Variants in BRCC3 observed in about 807,000 individuals in gnomAD.
BRCC3 encodes lys-63-specific deubiquitinase BRCC36.
In BRCC3, 15 loss-of-function variants were observed where a neutral mutation model predicts 28.0. The observed-to-expected ratio is 0.54, with a 90% CI of 0.36 to 0.82. The LOEUF (loss-of-function observed/expected upper bound fraction) is 0.82. Among genes scored for constraint, BRCC3 ranks in the 40% least tolerant of loss-of-function variants. The probability of loss-of-function intolerance (pLI) is 0.01; values close to 1 mark genes in which losing one functional copy is unlikely to be tolerated. For missense variants in BRCC3, 109 were observed against 225.9 expected, an observed-to-expected ratio of 0.48 and a Z score of 3.32; for synonymous variants, 66 against 80.3, an observed-to-expected ratio of 0.82 and a Z score of 0.95.
chrX:155,090,781 T>C lies in BRCC3; in HGVS notation c.493-3T>C, dbSNP rs1557295528. The C allele has an allele frequency of 2.5e-6, 3 of 1,190,440 alleles. No homozygotes were observed. The highest frequency in any genetic ancestry group is 3.4e-6 in the Non-Finnish European group (3 of 879,566). On this transcript the variant is annotated splice_polypyrimidine_tract_variant and splice_region_variant and intron_variant, in intron 6 of 10. Transcript: ENST00000330045. ...TTTCTTTCTTTCTTTTTTCCTTTGA[T>C]AGACTGGCCGGGTACTCTACACTTG...
chrX:155,087,401 G>A (rs1424950174), intron 5 of BRCC3, among the ~76,000 whole-genome samples: 3 of 112,138 alleles, frequency 2.7e-5, no homozygotes, highest in Non-Finnish European at 3.8e-5. Flanking sequence ...CGCTTTGGCA[G>A]GCGCCAGGGT....
intron 5 of BRCC3, among the ~76,000 whole-genome samples, chrX:155,084,577 A>G (rs782249073): frequency 2.7e-5 from 3 of 111,839 alleles, no homozygotes; most frequent in Admixed American, 9.4e-5. Context: ...GTTAGCCAGT[A>G]TGGTCTTGAT....
intron 7 of BRCC3, among the ~76,000 whole-genome samples, chrX:155,094,425 G>A (rs2074196348): frequency 9.1e-6 from 1 of 110,346 alleles, no homozygotes. Context: ...TAAACATTTG[G>A]TGTATACGCA....
chrX:155,105,647 G>C (rs1557297433), intron 7 of BRCC3, among the ~76,000 whole-genome samples: 3 of 111,533 alleles, frequency 2.7e-5, no homozygotes, highest in Non-Finnish European at 5.7e-5. Context: ...TTATCCATAG[G>C]GCTAGTCTCC....
At chrX:155,097,782 G>A (rs1277340674) in intron 7 of BRCC3, among the ~76,000 whole-genome samples, 8 of 111,901 alleles carry the variant, frequency 7.1e-5, no homozygotes, top group Admixed American at 6.6e-4. Context: ...CAAATGAATT[G>A]AAAGCAGGGT....
At chrX:155,104,238 G>C (rs939840235) in intron 7 of BRCC3, among the ~76,000 whole-genome samples, 7 of 111,000 alleles carry the variant, frequency 6.3e-5, no homozygotes, top group African/African-American at 2.3e-4. Flanking sequence ...GATAATTTTT[G>C]ATTGGATGCA....
At chrX:155,080,426 G>C (rs1438145780) in intron 5 of BRCC3, among the ~76,000 whole-genome samples, 1 of 104,310 alleles carries the variant, frequency 9.6e-6, no homozygotes, top group Non-Finnish European at 1.9e-5. Flanking sequence ...TAATGCAGCA[G>C]TAACAGTAGT....
chrX:155,103,665 G>A (rs996501373), intron 7 of BRCC3, among the ~76,000 whole-genome samples: 1 of 111,177 alleles, frequency 9.0e-6, no homozygotes, highest in Non-Finnish European at 1.9e-5. Context: ...TGAGCTGCTT[G>A]GATCTGTGGA....
chrX:155,079,649 C>T (rs2074071135), intron 5 of BRCC3, among the ~76,000 whole-genome samples: 2 of 111,237 alleles, frequency 1.8e-5, no homozygotes, highest in South Asian at 3.8e-4. Flanking sequence ...ACTGTAACAA[C>T]CTCTGGGAGT....
rs190210004 is a variant in BRCC3, at chrX:155,077,069, A to G, written c.196-101A>G. On this transcript the variant is annotated intron_variant, in intron 3 of 10. Transcript: ENST00000330045. Reference sequence around the variant, plus strand: ...AAAAGTGTCAGTTTTCTAAAATGGAATATTTTATCTGATATTATAATAAAA... The same window carrying G: ...AAAAGTGTCAGTTTTCTAAAATGGAGTATTTTATCTGATATTATAATAAAA... 1.2e-4 allele frequency: 93 copies of G among 764,757 alleles called. No homozygotes were observed. In the African/African-American group the frequency reaches 1.8e-3, roughly 15 times the overall value. The allele number at this position is 764,757 out of a possible 1,213,427, so 63.0% of individuals were successfully genotyped here. A position where few individuals can be genotyped will look rare whatever the true frequency, so the allele number is the denominator to read the frequency against.
rs1437759340 is a variant in BRCC3 at position 155,077,025 on chromosome X, A to G, written c.196-145A>G. The G allele has an allele frequency of 1.1e-5, 5 of 471,863 alleles. No homozygotes were observed. The African/African-American group carries it at 1.3e-4, about 12-fold the overall frequency. 38.9% of individuals were successfully genotyped at this position (471,863 alleles called of 1,213,427 possible). A position where few individuals can be genotyped will look rare whatever the true frequency, so the allele number is the denominator to read the frequency against. ...TGAGGTTGGGTGTCTTTTATTTGAA[A>G]CATTTCATTATTCGTGAGAAAAGTG... On this transcript the variant is annotated intron_variant, in intron 3 of 10. Transcript: ENST00000330045.
At chrX:155,120,624 G>A (rs1308595368) in intron 10 of BRCC3, among the ~76,000 whole-genome samples, 1 of 111,166 alleles carries the variant, frequency 9.0e-6, no homozygotes, top group African/African-American at 3.3e-5. Context: ...TGCCCTCACT[G>A]AGAGGGCAGT....
intron 7 of BRCC3, among the ~76,000 whole-genome samples, chrX:155,096,119 A>G (rs1254500628): frequency 8.9e-6 from 1 of 112,443 alleles, no homozygotes; most frequent in Non-Finnish European, 1.9e-5. Context: ...GCATGCTACA[A>G]TCTGAAAGAA....
intron 3 of BRCC3, among the ~76,000 whole-genome samples, chrX:155,075,819 A>G (rs137924435): frequency 4.5e-5 from 5 of 111,191 alleles, no homozygotes; most frequent in African/African-American, 1.6e-4. Flanking sequence ...GTACATTCTC[A>G]CTCCAACTTT....
At chrX:155,086,260 GCA>G (rs1282299305) in intron 5 of BRCC3, among the ~76,000 whole-genome samples, 1 of 111,342 alleles carries the variant, frequency 9.0e-6, no homozygotes, top group African/African-American at 3.3e-5. Context: ...CCGAGAGAAA[GCA>G]CAGTGTCCAG....
At chrX:155,083,120 G>A (rs1557294346) in intron 5 of BRCC3, among the ~76,000 whole-genome samples, 1 of 112,383 alleles carries the variant, frequency 8.9e-6, no homozygotes, top group East Asian at 2.8e-4. Context: ...ACAAATGTGA[G>A]TCAAATGGGA....
chrX:155,088,471 A>G (rs1317400704), intron 5 of BRCC3, among the ~76,000 whole-genome samples: 1 of 106,959 alleles, frequency 9.3e-6, no homozygotes, highest in Non-Finnish European at 1.9e-5. Context: ...CTCCAGCCTC[A>G]GCCTCCCAAG....
chrX:155,097,803 G>A (rs1256229989), intron 7 of BRCC3, among the ~76,000 whole-genome samples: 1 of 111,266 alleles, frequency 9.0e-6, no homozygotes, highest in African/African-American at 3.3e-5. Context: ...CTCTCCATCC[G>A]GGTTAACACG....
intron 7 of BRCC3, among the ~76,000 whole-genome samples, chrX:155,112,483 C>G (rs1425093033): frequency 5.3e-5 from 6 of 112,660 alleles, no homozygotes; most frequent in African/African-American, 1.9e-4. Context: ...CATTTTTGGA[C>G]CGTGGTTGAC....
Sources: allele counts gnomAD v4.1 joint callset (sites outside exome capture counted in the v4.1 genomes callset), GRCh38; gene constraint gnomAD v4.1.1; transcripts MANE v1.5; gene names NCBI Gene and HGNC (gene_info 2026-07-23, HGNC 2026-07-21).